EVC2: variants seen among roughly 807,000 people sequenced by gnomAD.
The protein encoded by EVC2 is EvC ciliary complex subunit 2, also known as limbin.
EVC2 carries 148 observed loss-of-function variants against 149.3 expected under a neutral mutation model. The observed-to-expected ratio is 0.99, with a 90% CI of 0.87 to 1.14. The LOEUF is 1.14. Among genes scored for constraint, EVC2 ranks in the 50% most tolerant of loss-of-function variants. The pLI is 0.00. For missense variants in EVC2, 1,854 were observed against 1,627.3 expected (o/e 1.14, Z -2.40); for synonymous variants, 776 against 649.9 (o/e 1.19, Z -2.95).
intron 17 of EVC2, among the ~76,000 whole-genome samples, chr4:5,582,633 T>G (rs1250670550): frequency 6.6e-6 from 1 of 152,218 alleles, no homozygotes; most frequent in Non-Finnish European, 1.5e-5. Context: ...GAGTTAAGAC[T>G]CTAGGGGACT....
rs148790964 is a variant in EVC2, at chr4:5,703,289, C to T, written c.228+4997G>A. ...CTCTTGTTACTGTTCTTATCATCAC[C>T]ATCATCATCATCTCTGATAATGCCA... On this transcript the variant is annotated intron_variant, in intron 1 of 21. Coordinates refer to ENST00000344408, the MANE Select transcript of EVC2 (RefSeq NM_147127.5). Among the ~76,000 whole-genome samples the T allele has an allele frequency of 2.0e-5, 3 of 152,252 alleles. No homozygotes were observed. In the East Asian group the frequency reaches 5.8e-4, roughly 29 times the overall value.
At chr4:5,547,395 G>A (rs1250867848) in intron 21 of EVC2, among the ~76,000 whole-genome samples, 1 of 152,242 alleles carries the variant, frequency 6.6e-6, no homozygotes, top group African/African-American at 2.4e-5. Context: ...GTGGAAGGGG[G>A]CAGATCCCCA....
At chr4:5,616,426 A>G (rs1368488176) in intron 15 of EVC2, among the ~76,000 whole-genome samples, 1 of 139,698 alleles carries the variant, frequency 7.2e-6, no homozygotes, top group Non-Finnish European at 1.5e-5. Flanking sequence ...GATGAGGTCA[A>G]ACGTAGACAC....
chr4:5,631,025 C>T (rs544539939), intron 11 of EVC2, among the ~76,000 whole-genome samples: 1 of 152,268 alleles, frequency 6.6e-6, no homozygotes, highest in African/African-American at 2.4e-5. Flanking sequence ...TGTAAAATCC[C>T]TCACACAGGC....
At position 5,640,566 on chromosome 4, in the gene EVC2, T is replaced by C. The variant is rs772148420; in HGVS notation, c.1418A>G (p.Glu473Gly). 6.2e-7 allele frequency: 1 copy of C among 1,614,022 alleles called. No individual in the cohort carries two copies. ...RKKMENQYQREMMAMEEAEEL... is the reference protein window; with the variant it reads ...RKKMENQYQRGMMAMEEAEEL... ...TTCTGCTTCCTCCATTGCCATCATCTCTCTCTGGTACTGGTTTTCCATCTT... is the reference window on the plus strand; with the variant it reads ...TTCTGCTTCCTCCATTGCCATCATCCCTCTCTGGTACTGGTTTTCCATCTT... Residue 473 changes from glutamate (E) to glycine (G), a missense_variant, in exon 10 of 22, where the codon GAG becomes GGG. Coordinates refer to ENST00000344408, the MANE Select transcript of EVC2 (RefSeq NM_147127.5). The surrounding 1 kb of genome is among the most constrained non-coding windows in gnomAD (Gnocchi z 4.6).
At chr4:5,638,562 A>G (rs1717062597) in intron 10 of EVC2, among the ~76,000 whole-genome samples, 1 of 152,158 alleles carries the variant, frequency 6.6e-6, no homozygotes, top group Non-Finnish European at 1.5e-5. Context: ...ATTACAGGGC[A>G]GTGTCGGTGA....
chr4:5,708,422 A>G lies in EVC2; in HGVS notation c.92T>C (p.Leu31Pro), dbSNP rs557830930. 6.3e-4 allele frequency: 950 copies of G among 1,503,748 alleles called. 4 individuals are homozygous for G. The highest frequency in any genetic ancestry group is 5.0e-3 in the Middle Eastern group (22 of 4,404). The allele number at this position is 1,503,748 out of a possible 1,614,324, so 93.2% of individuals were successfully genotyped here. Residue 31 changes from leucine to proline, a missense_variant, in exon 1 of 22, where the codon CTC (leucine) becomes CCC (proline). Leu to Pro is a moderately conservative substitution (Grantham distance 98). Transcript: ENST00000344408. ...VALALGGRGC[L>P]GASSRPRWRP... The stretch of plus-strand genomic sequence containing the variant: ...CCAGCGGGGACGTGAGCTGGCGCCG[A>G]GACAGCCTCGGCCCCCCAGCGCCAG...
chr4:5,639,842 T>C (rs1717186716), intron 10 of EVC2, among the ~76,000 whole-genome samples: 2 of 149,634 alleles, frequency 1.3e-5, no homozygotes, highest in Non-Finnish European at 3.0e-5. Flanking sequence ...TATTATAACA[T>C]GACTGAATAA....
At chr4:5,552,487 TG>T (rs1489192370) in intron 21 of EVC2, among the ~76,000 whole-genome samples, 1 of 152,198 alleles carries the variant, frequency 6.6e-6, no homozygotes, top group Admixed American at 6.5e-5. Flanking sequence ...ATAAGGTATC[TG>T]GGATTGACTT....
chr4:5,656,851 G>GGTTGTGACAACAGCCACA (rs1432230124), intron 9 of EVC2, among the ~76,000 whole-genome samples: 42 of 152,308 alleles, frequency 2.8e-4, no homozygotes, highest in African/African-American at 1.0e-3. Context: ...AACAGCCACA[G>GGTTGTGACAACAGCCACA]GATACTAATA....
rs79844465 is a variant in EVC2 at position 5,677,798 on chromosome 4, G to A, written c.870+3462C>T. ...CACAGTGGGGGACACAGGCAAATCC[G>A]ACATGGCCTCACCCGCCAGGAGCTC... On this transcript the variant is annotated intron_variant, in intron 7 of 21. Coordinates refer to ENST00000344408, the MANE Select transcript of EVC2 (RefSeq NM_147127.5). The surrounding 1 kb of genome is among the most constrained non-coding windows in gnomAD (Gnocchi z 4.3). 4.6e-3 allele frequency among the ~76,000 whole-genome samples: 694 copies of A among 152,322 alleles called. 7 individuals are homozygous for A. Among genetic ancestry groups the A allele is most frequent in the African/African-American group, 0.016 (661 of 41,564 alleles).
intron 10 of EVC2, among the ~76,000 whole-genome samples, chr4:5,632,780 A>G (rs1716644546): frequency 6.6e-6 from 1 of 152,194 alleles, no homozygotes; most frequent in South Asian, 2.1e-4. Context: ...CCATTTGCAT[A>G]CGGCCTCCCC....
chr4:5,597,160 C>G (rs1713507995), intron 16 of EVC2, among the ~76,000 whole-genome samples: 1 of 152,154 alleles, frequency 6.6e-6, no homozygotes, highest in Admixed American at 6.6e-5. Context: ...GGTACCATTC[C>G]TTTCTGAAAC....
At chr4:5,646,418 C>T (rs1381165132) in intron 9 of EVC2, among the ~76,000 whole-genome samples, 6 of 151,476 alleles carry the variant, frequency 4.0e-5, no homozygotes, top group South Asian at 2.1e-4. Flanking sequence ...CTTGGGAGAC[C>T]GAGGGAGGTG....
In EVC2 at chr4:5,572,897, G is replaced by A. The variant is rs192873941; in HGVS notation, c.3360+1788C>T. Among the ~76,000 whole-genome samples, 28 of 152,288 alleles carry A rather than the reference G, an allele frequency of 1.8e-4. No individual in the cohort carries two copies. In the East Asian group the frequency reaches 4.1e-3, roughly 22 times the overall value. ...CTTCAGATCCTTTACAGTCGGTCAG[G>A]AAGAGCAGAGTATGTGCATCACCAA... On this transcript the variant is annotated intron_variant, in intron 19 of 21. Transcript: ENST00000344408.
In EVC2 at chr4:5,670,729, TTCACCA is replaced by T. The variant is rs1251990740; in HGVS notation, c.871-5086_871-5081del. On this transcript the variant is annotated intron_variant, in intron 7 of 21. Coordinates refer to ENST00000344408, the MANE Select transcript of EVC2 (RefSeq NM_147127.5). The surrounding 1 kb of genome is among the most constrained non-coding windows in gnomAD (Gnocchi z 5.2). ...CATCAATATCTCCATCACCATCATCTTCACCATCACCATCAACGCCATCATCAGCAG... is the reference window on the plus strand; with the variant it reads ...CATCAATATCTCCATCACCATCATCTTCACCATCAACGCCATCATCAGCAG... Among the ~76,000 whole-genome samples the T allele has an allele frequency of 6.6e-6, 1 of 150,840 alleles. No homozygotes were observed. Among genetic ancestry groups the T allele is most frequent in the African/African-American group, 2.4e-5 (1 of 40,844 alleles).
At chr4:5,570,491 T>A (rs887558218) in intron 19 of EVC2, among the ~76,000 whole-genome samples, 10 of 152,170 alleles carry the variant, frequency 6.6e-5, no homozygotes, top group African/African-American at 2.4e-4. Context: ...ATGCCACATC[T>A]ACAGACAGAA....
rs558973537 is a variant in EVC2, at chr4:5,613,262, C to A, written c.2829+2160G>T. Among the ~76,000 whole-genome samples the A allele has an allele frequency of 6.6e-6, 1 of 152,180 alleles. No homozygotes were observed. The highest frequency in any genetic ancestry group is 1.5e-5 in the Non-Finnish European group (1 of 68,038). ...GGCAGCCTTGTCACAGGGCTTCAACCCTCTGGGTTCCCTCTGTGCACTGTG... is the reference window on the plus strand; with the variant it reads ...GGCAGCCTTGTCACAGGGCTTCAACACTCTGGGTTCCCTCTGTGCACTGTG... On this transcript the variant is annotated intron_variant, in intron 16 of 21. Transcript: ENST00000344408. The surrounding 1 kb of genome is among the most constrained non-coding windows in gnomAD (Gnocchi z 4.6).
intron 17 of EVC2, among the ~76,000 whole-genome samples, chr4:5,582,214 T>C (rs1711858760): frequency 6.6e-6 from 1 of 152,186 alleles, no homozygotes. Context: ...ACTGACAGCT[T>C]GTATCCTGTG....
Sources: gnomAD v4.1 joint callset for allele counts (sites outside exome capture counted in the v4.1 genomes callset) on GRCh38, gnomAD v4.1.1 for gene constraint, Gnocchi (gnomAD v3.1) non-coding constraint, MANE v1.5 for transcripts, NCBI Gene and HGNC (gene_info 2026-07-23, HGNC 2026-07-21) for gene names.